The following FBLN2 variants were observed in gnomAD, a reference collection of about 807,000 sequenced individuals.
The protein encoded by FBLN2 is fibulin-2.
In FBLN2, 81 loss-of-function variants were observed where a neutral mutation model predicts 123.7. That is an observed-to-expected ratio of 0.65 (90% CI 0.55 to 0.79). FBLN2 has a LOEUF of 0.79. Ranked by LOEUF, FBLN2 falls within the 30% of genes least tolerant of loss-of-function variation. The probability of loss-of-function intolerance (pLI) is 0.00; values close to 1 mark genes in which losing one functional copy is unlikely to be tolerated. For missense variants in FBLN2, 1,603 were observed against 1,681.3 expected (o/e 0.95, Z 0.81); for synonymous variants, 699 against 701.4 (o/e 1.00, Z 0.05).
At position 13,571,091 on chromosome 3, in the gene FBLN2, C is replaced by T; in HGVS notation, c.736C>T (p.Pro246Ser). The T allele has an allele frequency of 1.3e-6, 2 of 1,553,194 alleles. No individual in the cohort carries two copies. Among genetic ancestry groups the T allele is most frequent in the Non-Finnish European group, 1.7e-6 (2 of 1,148,604 alleles). The change falls in exon 2 of 18, where the codon CCC becomes TCC. Residue 246 changes from proline to serine, a missense_variant. Physicochemically the swap from Pro to Ser is moderately conservative, Grantham distance 74 (BLOSUM62 -1). Coordinates refer to ENST00000404922, the MANE Select transcript of FBLN2 (RefSeq NM_001004019.2). The stretch of plus-strand genomic sequence containing the variant: ...GCCACTGTCCACCATCCAGGCACCC[C>T]CCTGGCCAGCTGTCCTCCCCAGGCC... ...SQPLSTIQAPPWPAVLPRPTA... is the reference protein window; with the variant it reads ...SQPLSTIQAPSWPAVLPRPTA...
At chr3:13,615,838 C>G (rs1705580164) in intron 5 of FBLN2, among the ~76,000 whole-genome samples, 1 of 152,238 alleles carries the variant, frequency 6.6e-6, no homozygotes, top group East Asian at 1.9e-4. Flanking sequence ...CCCCAGCCTT[C>G]CTGATGCCCT....
At chr3:13,596,409 A>G (rs985988381) in intron 2 of FBLN2, among the ~76,000 whole-genome samples, 3 of 152,144 alleles carry the variant, frequency 2.0e-5, no homozygotes, top group Non-Finnish European at 4.4e-5. Flanking sequence ...TTGTTTCTGG[A>G]TCTTTGCTGT....
At chr3:13,560,488 C>T (rs2125035474) in intron 1 of FBLN2, among the ~76,000 whole-genome samples, 2 of 152,228 alleles carry the variant, frequency 1.3e-5, no homozygotes, top group South Asian at 4.2e-4. Flanking sequence ...GGTCTCACAC[C>T]ACCCACCTGT....
chr3:13,556,337 G>GGA (rs368626795), intron 1 of FBLN2, among the ~76,000 whole-genome samples: 5 of 151,478 alleles, frequency 3.3e-5, no homozygotes, highest in African/African-American at 9.7e-5. Flanking sequence ...AGCGGCGGAC[G>GGA]GAGAGAGAGA....
At position 13,570,494 on chromosome 3, in the gene FBLN2, G is replaced by A. The variant is rs1224816581; in HGVS notation, c.139G>A (p.Glu47Lys). Reference sequence around the variant, plus strand: ...CCCGCCGCTGGAGAACTGCATTGAGGAGGCGCTGGAGCCGGGTGCCTGCTG... The same window carrying A: ...CCCGCCGCTGGAGAACTGCATTGAGAAGGCGCTGGAGCCGGGTGCCTGCTG... Reference protein sequence around the residue: ...ECPPLENCIEEALEPGACCAT... With the variant: ...ECPPLENCIEKALEPGACCAT... The change falls in exon 2 of 18, where the codon GAG (glutamate) becomes AAG (lysine). Residue 47 changes from glutamate to lysine, a missense_variant. By Grantham distance (56) the Glu-to-Lys change is moderately conservative. Transcript: ENST00000404922. 1 of 1,584,784 alleles carries A rather than the reference G, an allele frequency of 6.3e-7. No homozygotes were observed. Among genetic ancestry groups the A allele is most frequent in the South Asian group, 1.2e-5 (1 of 86,760 alleles).
chr3:13,583,274 A>G (rs1200052216), intron 2 of FBLN2, among the ~76,000 whole-genome samples: 3 of 152,282 alleles, frequency 2.0e-5, no homozygotes, highest in East Asian at 3.8e-4. Flanking sequence ...CTGGACGCGT[A>G]TCAGTCCATT....
At chr3:13,620,079 C>A (rs1299198721) in intron 8 of FBLN2, among the ~76,000 whole-genome samples, 1 of 152,122 alleles carries the variant, frequency 6.6e-6, no homozygotes, top group East Asian at 1.9e-4. Context: ...GGGCTCCTCA[C>A]ATGGTGTCGC....
chr3:13,559,172 C>T lies in FBLN2; in HGVS notation c.-42+9964C>T, dbSNP rs115655124. ...GAGTCTATGAAACTCCCTCACATAG[C>T]AGTTTTAGGTATGTGCCCATATGTC... On this transcript the variant is annotated intron_variant, in intron 1 of 17. Transcript: ENST00000404922. Among the ~76,000 whole-genome samples the T allele has an allele frequency of 5.4e-3, 827 of 152,196 alleles. 12 individuals are homozygous for T. Among genetic ancestry groups the T allele is most frequent in the African/African-American group, 0.019 (771 of 41,526 alleles).
chr3:13,561,817 T>A (rs563746528), intron 1 of FBLN2, among the ~76,000 whole-genome samples: 1 of 152,310 alleles, frequency 6.6e-6, no homozygotes, highest in Non-Finnish European at 1.5e-5. Context: ...GATGAATAGC[T>A]GCAAACTAAA....
At chr3:13,614,295 G>A (rs1705503780) in intron 5 of FBLN2, 131 bp downstream of exon 5, 1 of 898,948 alleles carries the variant, frequency 1.1e-6, no homozygotes. Flanking sequence ...AGAGTTCTGA[G>A]GATGGTGATT....
chr3:13,568,543 C>T (rs1203940061), intron 1 of FBLN2, among the ~76,000 whole-genome samples: 12 of 152,218 alleles, frequency 7.9e-5, no homozygotes, highest in African/African-American at 2.9e-4. Flanking sequence ...AAGCCCGTTG[C>T]TCTGCAGTTA....
intron 2 of FBLN2, among the ~76,000 whole-genome samples, chr3:13,600,449 G>A (rs1401036638): frequency 6.6e-6 from 1 of 152,008 alleles, no homozygotes; most frequent in Non-Finnish European, 1.5e-5. Flanking sequence ...CAACACCCAC[G>A]AAAGCAGAGC....
At position 13,570,996 on chromosome 3, in the gene FBLN2, G is replaced by C. The variant is rs111462798; in HGVS notation, c.641G>C (p.Gly214Ala). The C allele has an allele frequency of 6.2e-7, 1 of 1,605,634 alleles. No individual in the cohort carries two copies. Among genetic ancestry groups the C allele is most frequent in the South Asian group, 1.1e-5 (1 of 89,694 alleles). The change falls in exon 2 of 18, where the codon GGT (glycine) becomes GCT (alanine). Residue 214 changes from glycine to alanine, a missense_variant. Coordinates refer to ENST00000404922, the MANE Select transcript of FBLN2 (RefSeq NM_001004019.2). ...GTGGAAGCAGCAACAGCCCTGGGGG[G>C]TGAGGTCCAGGCGGGTGCAGTCCAG... ...AEVEAATALG[G>A]EVQAGAVQAG...
intron 9 of FBLN2, among the ~76,000 whole-genome samples, chr3:13,626,167 C>T (rs978871534): frequency 6.6e-6 from 1 of 152,220 alleles, no homozygotes; most frequent in African/African-American, 2.4e-5. Flanking sequence ...TGTCCTCTCC[C>T]CTTGAGTGTC....
chr3:13,554,605 G>A (rs764539154), intron 1 of FBLN2, among the ~76,000 whole-genome samples: 3 of 152,256 alleles, frequency 2.0e-5, no homozygotes, highest in Non-Finnish European at 4.4e-5. Flanking sequence ...CCTAGTCCTC[G>A]TGGTGGTTGG....
chr3:13,624,868 G>T (rs1191705547), intron 9 of FBLN2, among the ~76,000 whole-genome samples: 1 of 152,298 alleles, frequency 6.6e-6, no homozygotes, highest in Non-Finnish European at 1.5e-5. Context: ...GCACCAGGAG[G>T]GGGTAGATGG....
At chr3:13,586,135 C>A (rs1448513502) in intron 2 of FBLN2, among the ~76,000 whole-genome samples, 4 of 152,064 alleles carry the variant, frequency 2.6e-5, no homozygotes, top group African/African-American at 9.7e-5. Context: ...ATGATCCTGA[C>A]CCTGTGTAGG....
rs1313145784 is a variant in FBLN2, at chr3:13,637,799, G to A, written c.3576G>A (p.Gln1192=). 6.2e-7 allele frequency: 1 copy of A among 1,613,888 alleles called. No homozygotes were observed. ...LNAYTGVVYL[Q]RAVLEPRDFA... ...CCTACACGGGTGTGGTCTACCTGCA[G>A]CGGGCCGTGCTGGAGCCCCGGGACT... The change falls in exon 18 of 18, where the codon CAG becomes CAA. Residue 1192 remains glutamine (Q), a synonymous_variant. Coordinates refer to ENST00000404922, the MANE Select transcript of FBLN2 (RefSeq NM_001004019.2).
At chr3:13,596,694 C>T (rs1422954732) in intron 2 of FBLN2, among the ~76,000 whole-genome samples, 3 of 152,104 alleles carry the variant, frequency 2.0e-5, no homozygotes, top group South Asian at 2.1e-4. Flanking sequence ...AACTCTGTCT[C>T]CATTAAACCC....
Sources: allele counts gnomAD v4.1 joint callset (sites outside exome capture counted in the v4.1 genomes callset), GRCh38; gene constraint gnomAD v4.1.1; transcripts MANE v1.5; gene names NCBI Gene and HGNC (gene_info 2026-07-23, HGNC 2026-07-21).